DLGAP2: variants seen among roughly 807,000 people sequenced by gnomAD.
DLGAP2 encodes disks large-associated protein 2.
In DLGAP2, 26 loss-of-function variants were observed where a neutral mutation model predicts 100.3. The observed-to-expected ratio is 0.26, with a 90% CI of 0.19 to 0.36. DLGAP2 has a LOEUF of 0.36. Among genes scored for constraint, DLGAP2 ranks in the 10% least tolerant of loss-of-function variants. The pLI is 1.00. For synonymous variants in DLGAP2, 886 were observed against 630.1 expected (o/e 1.41, Z -6.08); for missense variants, 1,858 against 1,453.2 (o/e 1.28, Z -4.53).
chr8:1,267,168 C>T (rs1401721063), intron 3 of DLGAP2, among the ~76,000 whole-genome samples: 1 of 151,562 alleles, frequency 6.6e-6, no homozygotes, highest in East Asian at 2.0e-4. Context: ...GGAGGCGGAG[C>T]TTGCAGTGAG....
At chr8:1,280,026 T>C (rs1475237629) in intron 3 of DLGAP2, among the ~76,000 whole-genome samples, 3 of 152,206 alleles carry the variant, frequency 2.0e-5, no homozygotes, top group Admixed American at 1.3e-4. Context: ...TTGAGGAGCT[T>C]AGAATTCAGT....
chr8:1,156,097 C>T (rs1424459201), intron 2 of DLGAP2, among the ~76,000 whole-genome samples: 1 of 152,140 alleles, frequency 6.6e-6, no homozygotes, highest in African/African-American at 2.4e-5. Context: ...TTGGTACAGC[C>T]GAGCCCTGTT....
intron 5 of DLGAP2, among the ~76,000 whole-genome samples, chr8:1,557,504 C>G (rs1237936280): frequency 1.3e-5 from 2 of 152,102 alleles, no homozygotes; most frequent in Non-Finnish European, 2.9e-5. Flanking sequence ...TGAGAGAACT[C>G]AGGTGCTGTG....
At chr8:1,573,356 G>A (rs1248653393) in intron 6 of DLGAP2, among the ~76,000 whole-genome samples, 1 of 125,606 alleles carries the variant, frequency 8.0e-6, no homozygotes, top group Non-Finnish European at 1.7e-5. Context: ...AGAGAGGGGT[G>A]AACTGTGGGG....
intron 2 of DLGAP2, among the ~76,000 whole-genome samples, chr8:1,099,088 A>C (rs1174819120): frequency 6.6e-6 from 1 of 152,100 alleles, no homozygotes. Context: ...GATTCTTTGA[A>C]GGCAAAAACT....
chr8:1,214,806 C>G (rs1302946227), intron 2 of DLGAP2, among the ~76,000 whole-genome samples: 2 of 152,218 alleles, frequency 1.3e-5, no homozygotes, highest in African/African-American at 4.8e-5. Flanking sequence ...TCTAATTAGC[C>G]TTGACTTCCA....
At chr8:925,243 C>G (rs962948905) in intron 2 of DLGAP2, among the ~76,000 whole-genome samples, 4 of 152,000 alleles carry the variant, frequency 2.6e-5, no homozygotes, top group Admixed American at 2.6e-4. Flanking sequence ...GTAGCTGGGA[C>G]GACAGGTGCA....
chr8:1,140,707 C>A (rs1408911299), intron 2 of DLGAP2, among the ~76,000 whole-genome samples: 1 of 152,210 alleles, frequency 6.6e-6, no homozygotes, highest in African/African-American at 2.4e-5. Context: ...CACAATGACT[C>A]ATACCTGTAA....
In DLGAP2 at chr8:1,255,168, T is replaced by A. The variant is rs1306947043; in HGVS notation, c.74-3683T>A. ...TGTGTCCTCTCCTGCCCGGGTGCTG[T>A]GTGTGTGCCCTCTCATCCTGCCTGG... On this transcript the variant is annotated intron_variant, in intron 2 of 14. Transcript: ENST00000637795. Among the ~76,000 whole-genome samples the A allele has an allele frequency of 1.7e-4, 19 of 109,514 alleles. 1 individual carries two copies. Among genetic ancestry groups the A allele is most frequent in the African/African-American group, 6.9e-4 (17 of 24,550 alleles). The allele number at this position is 109,514 out of a possible 152,430, so 71.8% of individuals were successfully genotyped here.
chr8:913,631 T>C (rs1798533854), intron 2 of DLGAP2, among the ~76,000 whole-genome samples: 1 of 152,264 alleles, frequency 6.6e-6, no homozygotes, highest in Non-Finnish European at 1.5e-5. Flanking sequence ...GCTTTCACAT[T>C]CATCTTGACT....
chr8:1,434,306 G>A (rs765341900), intron 3 of DLGAP2, among the ~76,000 whole-genome samples: 2 of 152,112 alleles, frequency 1.3e-5, no homozygotes, highest in African/African-American at 4.8e-5. Context: ...AGTGACCCAG[G>A]AGGCTGACAG....
intron 3 of DLGAP2, among the ~76,000 whole-genome samples, chr8:1,410,576 A>G (rs902851085): frequency 6.6e-6 from 1 of 152,214 alleles, no homozygotes; most frequent in African/African-American, 2.4e-5. Context: ...GCATCAAGTC[A>G]GCTCCCTTCT....
intron 2 of DLGAP2, among the ~76,000 whole-genome samples, chr8:1,020,242 C>A (rs1801589955): frequency 6.6e-6 from 1 of 152,218 alleles, no homozygotes; most frequent in Non-Finnish European, 1.5e-5. Context: ...TCCAGAGGGA[C>A]CAATTTGGGT....
At chr8:1,603,605 G>GTGGGGTCTCAGTT (rs1563250695) in intron 6 of DLGAP2, among the ~76,000 whole-genome samples, 5 of 150,382 alleles carry the variant, frequency 3.3e-5, no homozygotes, top group African/African-American at 1.2e-4. Flanking sequence ...TAGAGTGGAG[G>GTGGGGTCTCAGTT]CTGGGTCTCA....
intron 2 of DLGAP2, among the ~76,000 whole-genome samples, chr8:1,130,115 CGTGTCAGACACTTCACGCGAGTTAT>C (rs1796258787): frequency 4.1e-4 from 5 of 12,256 alleles, no homozygotes; most frequent in Non-Finnish European, 7.4e-4. Flanking sequence ...GTTAAGGGAT[CGTGTCAGACACTTCACGCGAGTTAT>C]ATGAGATGAT....
intron 3 of DLGAP2, among the ~76,000 whole-genome samples, chr8:1,465,314 T>C (rs180777560): frequency 5.3e-5 from 8 of 150,976 alleles, no homozygotes; most frequent in Non-Finnish European, 1.0e-4. Flanking sequence ...AGGATACAGA[T>C]GAAGAGATGA....
intron 8 of DLGAP2, among the ~76,000 whole-genome samples, chr8:1,660,940 A>G (rs1798395921): frequency 6.6e-6 from 1 of 152,188 alleles, no homozygotes; most frequent in Admixed American, 6.5e-5. Flanking sequence ...TCCGTAGCTA[A>G]TACCGCAACT....
intron 2 of DLGAP2, among the ~76,000 whole-genome samples, chr8:931,645 G>A (rs1180966096): frequency 2.6e-5 from 4 of 152,166 alleles, no homozygotes; most frequent in Non-Finnish European, 4.4e-5. Context: ...ACCCTTGCCA[G>A]CCCATTCTGA....
At position 820,479 on chromosome 8, in the gene DLGAP2, G is replaced by A. The variant is rs373386586; in HGVS notation, c.18+82654G>A. ...ATCCGGCATATGTAAAGAGTTCCTC[G>A]AAAGCAATGAAAAATTTATCCCCCA... On this transcript the variant is annotated intron_variant, in intron 1 of 14. Coordinates refer to ENST00000637795, the MANE Select transcript of DLGAP2 (RefSeq NM_001346810.2). Among the ~76,000 whole-genome samples the A allele has an allele frequency of 3.9e-5, 6 of 152,072 alleles. No homozygotes were observed. The East Asian group carries it at 9.6e-4, about 24-fold the overall frequency.
Sources: allele counts gnomAD v4.1 joint callset (sites outside exome capture counted in the v4.1 genomes callset), GRCh38; gene constraint gnomAD v4.1.1; transcripts MANE v1.5; gene names NCBI Gene and HGNC (gene_info 2026-07-23, HGNC 2026-07-21).